Variants in PDE4B observed in about 807,000 individuals in gnomAD.
PDE4B encodes the protein 3',5'-cyclic-AMP phosphodiesterase 4B.
A neutral mutation model predicts 82.2 loss-of-function variants in PDE4B; 20 were observed. The ratio of observed to expected loss-of-function variants is 0.24; its 90% CI spans 0.17 to 0.35. The LOEUF is 0.35. PDE4B is among the 10% of genes least tolerant of loss of function. The probability of loss-of-function intolerance (pLI) is 1.00; values close to 1 mark genes in which losing one functional copy is unlikely to be tolerated. For missense variants in PDE4B, 655 were observed against 907.2 expected (o/e 0.72, Z 3.57); for synonymous variants, 320 against 318.9 (o/e 1.00, Z -0.04).
intron 7 of PDE4B, chr1:66,267,644 A>T (rs1655151539): frequency 6.6e-6 from 1 of 152,176 alleles, no homozygotes; most frequent in South Asian, 2.1e-4. Context: ...AGTCTTCTCA[A>T]ACAATGGAGC....
At chr1:66,068,053 C>T (rs1225422833) in intron 3 of PDE4B, among the ~76,000 whole-genome samples, 3 of 151,258 alleles carry the variant, frequency 2.0e-5, no homozygotes, top group Middle Eastern at 6.9e-3. Context: ...TGTAACAAAC[C>T]TGCACGTTGT....
At chr1:66,067,648 C>G (rs530833055) in intron 3 of PDE4B, among the ~76,000 whole-genome samples, 2 of 152,176 alleles carry the variant, frequency 1.3e-5, no homozygotes, top group Admixed American at 6.5e-5. Context: ...TGCCTGTTCA[C>G]TCTGATGGTA....
chr1:66,013,191 G>T (rs1652583333), intron 3 of PDE4B, among the ~76,000 whole-genome samples: 1 of 152,002 alleles, frequency 6.6e-6, no homozygotes, highest in African/African-American at 2.4e-5. Flanking sequence ...ATTCATAATT[G>T]GTACTCAGTG....
At chr1:66,362,578 T>A (rs1354319674) in intron 10 of PDE4B, among the ~76,000 whole-genome samples, 1 of 152,176 alleles carries the variant, frequency 6.6e-6, no homozygotes, top group East Asian at 1.9e-4. Flanking sequence ...CAGATAACCT[T>A]GGAATAATCT....
chr1:65,815,782 C>T (rs994872631), intron 1 of PDE4B, among the ~76,000 whole-genome samples: 1 of 152,028 alleles, frequency 6.6e-6, no homozygotes, highest in African/African-American at 2.4e-5. Flanking sequence ...AATAACAATC[C>T]TACTCTCTTC....
chr1:65,833,471 AG>A (rs1384213571), intron 1 of PDE4B, among the ~76,000 whole-genome samples: 1 of 152,210 alleles, frequency 6.6e-6, no homozygotes, highest in Non-Finnish European at 1.5e-5. Context: ...GCTCAATAAA[AG>A]GAAGTACTTT....
chr1:65,873,394 A>G (rs893831301), intron 1 of PDE4B, among the ~76,000 whole-genome samples: 1 of 152,198 alleles, frequency 6.6e-6, no homozygotes, highest in Non-Finnish European at 1.5e-5. Context: ...TTTCTGTGGT[A>G]GGGATCACTG....
intron 9 of PDE4B, among the ~76,000 whole-genome samples, chr1:66,356,750 T>C (rs1662279880): frequency 6.6e-6 from 1 of 152,244 alleles, no homozygotes; most frequent in African/African-American, 2.4e-5. Flanking sequence ...ATACAGAGCT[T>C]ACTGCATTAC....
At chr1:66,300,792 C>T (rs561469363) in intron 7 of PDE4B, among the ~76,000 whole-genome samples, 10 of 152,178 alleles carry the variant, frequency 6.6e-5, no homozygotes, top group Non-Finnish European at 8.8e-5. Flanking sequence ...CTCTCCATGC[C>T]GGCTGGATTA....
chr1:66,188,527 G>T (rs1299549074), intron 3 of PDE4B, among the ~76,000 whole-genome samples: 1 of 151,772 alleles, frequency 6.6e-6, no homozygotes, highest in Non-Finnish European at 1.5e-5. Context: ...TCCTGTATTG[G>T]GTGCATATAT....
intron 3 of PDE4B, among the ~76,000 whole-genome samples, chr1:66,124,741 G>C (rs1051423495): frequency 6.6e-6 from 1 of 151,326 alleles, no homozygotes; most frequent in East Asian, 1.9e-4. Context: ...TCAATGAGGG[G>C]AAAAAAAAAG....
intron 1 of PDE4B, among the ~76,000 whole-genome samples, chr1:65,797,433 A>C (rs915542841): frequency 1.3e-5 from 2 of 152,194 alleles, no homozygotes. Flanking sequence ...TTAACAGATA[A>C]TCACTCTGTT....
intron 3 of PDE4B, among the ~76,000 whole-genome samples, chr1:65,989,829 A>G (rs1651149908): frequency 6.6e-6 from 1 of 150,832 alleles, no homozygotes; most frequent in Non-Finnish European, 1.5e-5. Context: ...TTTTTCTTAG[A>G]TAGCATTGGC....
chr1:66,214,947 A>G (rs1406172304), intron 3 of PDE4B, among the ~76,000 whole-genome samples: 2 of 152,188 alleles, frequency 1.3e-5, no homozygotes, highest in Non-Finnish European at 2.9e-5. Flanking sequence ...ATTAGACAGA[A>G]GTAGAACAGG....
intron 3 of PDE4B, among the ~76,000 whole-genome samples, chr1:65,921,889 C>A (rs1183093992): frequency 6.6e-6 from 1 of 152,140 alleles, no homozygotes; most frequent in Non-Finnish European, 1.5e-5. Context: ...CCAAATAAGT[C>A]ATAAGTATGG....
At chr1:65,822,422 C>T (rs1645963858) in intron 1 of PDE4B, among the ~76,000 whole-genome samples, 1 of 151,824 alleles carries the variant, frequency 6.6e-6, no homozygotes, top group African/African-American at 2.4e-5. Flanking sequence ...GCCTTTTTTT[C>T]CCCAAAGTGG....
At chr1:66,184,249 A>C (rs1025350558) in intron 3 of PDE4B, among the ~76,000 whole-genome samples, 10 of 152,208 alleles carry the variant, frequency 6.6e-5, no homozygotes, top group Non-Finnish European at 1.5e-4. Context: ...GAGAGAAAAG[A>C]AAATCTGGCT....
At chr1:65,825,148 T>G (rs1224975569) in intron 1 of PDE4B, among the ~76,000 whole-genome samples, 2 of 152,170 alleles carry the variant, frequency 1.3e-5, no homozygotes, top group African/African-American at 4.8e-5. Context: ...CCAAAGAAAC[T>G]TAAGTTTCTG....
chr1:65,943,001 G>C (rs894819629), intron 3 of PDE4B, among the ~76,000 whole-genome samples: 1 of 151,886 alleles, frequency 6.6e-6, no homozygotes, highest in African/African-American at 2.4e-5. Flanking sequence ...CTGTACAGAA[G>C]CTTTTCAGTT....
Sources: allele counts gnomAD v4.1 joint callset (sites outside exome capture counted in the v4.1 genomes callset), GRCh38; gene constraint gnomAD v4.1.1; transcripts MANE v1.5; gene names NCBI Gene and HGNC (gene_info 2026-07-23, HGNC 2026-07-21).